Variants in SCAI observed in about 807,000 individuals in gnomAD.
SCAI encodes suppressor of cancer cell invasion.
In SCAI, 24 loss-of-function variants were observed where a neutral mutation model predicts 92.2. That is an observed-to-expected ratio of 0.26 (90% CI 0.19 to 0.37). The LOEUF is 0.37. Among genes scored for constraint, SCAI ranks in the 10% least tolerant of loss-of-function variants. SCAI has a pLI of 1.00. For synonymous variants in SCAI, 261 were observed against 258.6 expected (o/e 1.01, Z -0.09); for missense variants, 450 against 736.2 (o/e 0.61, Z 4.50).
intron 2 of SCAI, among the ~76,000 whole-genome samples, chr9:125,122,321 T>G (rs1026583427): frequency 6.6e-6 from 1 of 152,152 alleles, no homozygotes; most frequent in African/African-American, 2.4e-5. Context: ...CCAGGCACGG[T>G]GGCTCATGCC....
chr9:124,982,284 T>C (rs758458024), intron 14 of SCAI, among the ~76,000 whole-genome samples: 16 of 152,216 alleles, frequency 1.1e-4, no homozygotes, highest in Non-Finnish European at 2.2e-4. Flanking sequence ...ATCAAAGCCA[T>C]ACAAGTATTT....
At chr9:125,063,831 G>A (rs1205654689) in intron 2 of SCAI, among the ~76,000 whole-genome samples, 2 of 148,936 alleles carry the variant, frequency 1.3e-5, no homozygotes, top group African/African-American at 5.0e-5. Context: ...TCGGCTTACT[G>A]CAACCTCCAT....
rs183275287 is a variant in SCAI, at chr9:125,005,640, G to T, written c.862-2070C>A. Among the ~76,000 whole-genome samples the T allele has an allele frequency of 2.3e-4, 35 of 152,256 alleles. 1 individual carries two copies. The highest frequency in any genetic ancestry group is 2.1e-3 in the Admixed American group (32 of 15,286). On this transcript the variant is annotated intron_variant, in intron 9 of 17. Coordinates refer to ENST00000336505, the MANE Select transcript of SCAI (RefSeq NM_001144877.3). ...GCCACTGCGCCCAGCCAAGAGACGG[G>T]GATTAAAGAAGGGGAAGAGGTTTAA...
At chr9:125,080,366 A>C (rs1431968381) in intron 2 of SCAI, among the ~76,000 whole-genome samples, 1 of 152,216 alleles carries the variant, frequency 6.6e-6, no homozygotes, top group East Asian at 1.9e-4. Context: ...ATATTGTGAA[A>C]TAGGGTTGTC....
chr9:125,045,522 G>A (rs1833416247), intron 3 of SCAI, among the ~76,000 whole-genome samples: 1 of 152,102 alleles, frequency 6.6e-6, no homozygotes, highest in African/African-American at 2.4e-5. Flanking sequence ...TTATTTTGTA[G>A]ACGGGGTCTC....
At chr9:125,028,520 A>C in intron 4 of SCAI, 42 bp from the exon 5 acceptor site, 2 of 1,124,180 alleles carry the variant, frequency 1.8e-6, no homozygotes. Context: ...TGAGTCTATA[A>C]ATTCCAAAAC....
intron 14 of SCAI, among the ~76,000 whole-genome samples, chr9:124,989,765 C>T (rs1832079173): frequency 6.7e-6 from 1 of 150,288 alleles, no homozygotes; most frequent in African/African-American, 2.5e-5. Flanking sequence ...TGCCTGTAAT[C>T]CAAGCTACTC....
intron 2 of SCAI, among the ~76,000 whole-genome samples, chr9:125,094,704 G>A (rs1834509788): frequency 6.6e-6 from 1 of 151,986 alleles, no homozygotes; most frequent in South Asian, 2.1e-4. Flanking sequence ...GTCTCCCCAT[G>A]TTGCCCAGGC....
intron 2 of SCAI, among the ~76,000 whole-genome samples, chr9:125,101,086 A>G (rs1028461748): frequency 6.6e-6 from 1 of 152,064 alleles, no homozygotes; most frequent in African/African-American, 2.4e-5. Context: ...AACAAACCCA[A>G]CTGAGACTGA....
intron 3 of SCAI, among the ~76,000 whole-genome samples, chr9:125,035,362 G>GA (rs1203637005): frequency 1.3e-5 from 2 of 151,516 alleles, no homozygotes; most frequent in African/African-American, 2.4e-5. Context: ...CTTAAAAAAA[G>GA]AAAAAATGAA....
At chr9:124,953,855 C>G (rs575087192) in intron 17 of SCAI, among the ~76,000 whole-genome samples, 39 of 152,336 alleles carry the variant, frequency 2.6e-4, no homozygotes, top group African/African-American at 7.9e-4. Context: ...ACCTATAGGA[C>G]TCACTCACAC....
rs937405996 is a variant in SCAI, at chr9:124,946,389, T to G, written c.*6418A>C. ...TGAATCAGCAAATGTAACATTTTTT[T>G]GGGTGGTAAAACAGACTCCTGAGAT... On this transcript the variant is annotated 3_prime_UTR_variant, in exon 18 of 18. Transcript: ENST00000336505. This position sits in a 1 kb window ranked among gnomAD's most constrained non-coding sequence, Gnocchi z 4.0. 1 of 152,238 alleles carries G rather than the reference T, an allele frequency of 6.6e-6. No homozygotes were observed. The highest frequency in any genetic ancestry group is 2.4e-5 in the African/African-American group (1 of 41,468). 9.4% of individuals were successfully genotyped at this position (152,238 alleles called of 1,614,324 possible).
chr9:125,073,192 C>T (rs1438582831), intron 2 of SCAI, among the ~76,000 whole-genome samples: 1 of 143,290 alleles, frequency 7.0e-6, no homozygotes, highest in East Asian at 2.1e-4. Context: ...GCAAGCTCCG[C>T]CTCCCGGGTT....
chr9:125,118,630 A>C (rs1835099689), intron 2 of SCAI, among the ~76,000 whole-genome samples: 2 of 152,156 alleles, frequency 1.3e-5, no homozygotes, highest in African/African-American at 4.8e-5. Context: ...TGCTGCACCT[A>C]TCAACCCGTC....
intron 3 of SCAI, among the ~76,000 whole-genome samples, chr9:125,038,364 T>C (rs558938492): frequency 2.0e-4 from 31 of 152,350 alleles, no homozygotes; most frequent in African/African-American, 6.5e-4. Flanking sequence ...AAAATGTTTT[T>C]CTTGAGATAA....
intron 3 of SCAI, among the ~76,000 whole-genome samples, chr9:125,033,394 T>C (rs1194375856): frequency 6.6e-6 from 1 of 152,116 alleles, no homozygotes; most frequent in Admixed American, 6.6e-5. Flanking sequence ...TAACACTTTG[T>C]AGCACAAGTA....
chr9:125,022,367 A>G (rs545083610), intron 6 of SCAI, among the ~76,000 whole-genome samples: 1 of 152,270 alleles, frequency 6.6e-6, no homozygotes, highest in African/African-American at 2.4e-5. Context: ...TTTCTTCCCC[A>G]TAGTAGCTGT....
chr9:125,012,653 T>A (rs1832664054), intron 9 of SCAI, among the ~76,000 whole-genome samples: 1 of 151,992 alleles, frequency 6.6e-6, no homozygotes, highest in South Asian at 2.1e-4. Context: ...ACCCAGGAAT[T>A]GAACTCAGCT....
intron 2 of SCAI, among the ~76,000 whole-genome samples, chr9:125,096,724 G>C (rs767010807): frequency 6.6e-6 from 1 of 152,212 alleles, no homozygotes; most frequent in Non-Finnish European, 1.5e-5. Context: ...ACCTGAGGCA[G>C]TACCCTGCCT....
Sources: gnomAD v4.1 joint callset for allele counts (sites outside exome capture counted in the v4.1 genomes callset) on GRCh38, gnomAD v4.1.1 for gene constraint, Gnocchi (gnomAD v3.1) non-coding constraint, MANE v1.5 for transcripts, NCBI Gene and HGNC (gene_info 2026-07-23, HGNC 2026-07-21) for gene names.